The following STK31 variants were observed in gnomAD, a reference collection of about 807,000 sequenced individuals.
The protein encoded by STK31 is serine/threonine kinase 31.
A neutral mutation model predicts 129.7 loss-of-function variants in STK31; 89 were observed. The ratio of observed to expected loss-of-function variants is 0.69; its 90% CI spans 0.58 to 0.82. The LOEUF is 0.82. STK31 is among the 40% of genes least tolerant of loss of function. STK31 has a pLI of 0.00. For synonymous variants in STK31, 448 were observed against 395.3 expected (o/e 1.13, Z -1.58); for missense variants, 1,187 against 1,176.4 (o/e 1.01, Z -0.13).
intron 7 of STK31, 58 bp downstream of exon 7, chr7:23,735,954 A>C: frequency 7.2e-7 from 1 of 1,379,440 alleles, no homozygotes; most frequent in Non-Finnish European, 9.8e-7. Flanking sequence ...GTCATAGTAG[A>C]ATAGAAGTTA....
intron 8 of STK31, among the ~76,000 whole-genome samples, chr7:23,737,868 T>A (rs1231292912): frequency 7.9e-6 from 1 of 125,874 alleles, no homozygotes; most frequent in Non-Finnish European, 1.7e-5. Flanking sequence ...TAAGTGTGTG[T>A]GTGTGTGTGT....
chr7:23,771,179 G>T (rs1191889423), intron 14 of STK31, 55 bp downstream of exon 14: 6 of 1,466,344 alleles, frequency 4.1e-6, no homozygotes, highest in Non-Finnish European at 5.4e-6. Flanking sequence ...GAATTTTTCA[G>T]TACTTAAATT....
At chr7:23,778,755 G>A (rs1790717421) in intron 15 of STK31, among the ~76,000 whole-genome samples, 1 of 151,906 alleles carries the variant, frequency 6.6e-6, no homozygotes. Flanking sequence ...AAGGTTCTTA[G>A]CTTCCTTCCA....
chr7:23,743,520 C>T (rs1562565510), intron 8 of STK31, among the ~76,000 whole-genome samples: 1 of 152,118 alleles, frequency 6.6e-6, no homozygotes, highest in Non-Finnish European at 1.5e-5. Context: ...ATGGGGGTTT[C>T]CTTATAATTG....
intron 15 of STK31, among the ~76,000 whole-genome samples, chr7:23,775,304 T>C (rs1476933103): frequency 6.6e-6 from 1 of 152,208 alleles, no homozygotes; most frequent in Non-Finnish European, 1.5e-5. Flanking sequence ...TTGTCTTGGC[T>C]ATCTGGGCTC....
At chr7:23,754,592 A>G in intron 10 of STK31, 118 bp downstream of exon 10, 4 of 1,096,612 alleles carry the variant, frequency 3.6e-6, no homozygotes, top group African/African-American at 1.6e-5. Context: ...GATTTGTTAC[A>G]TAGGTATACA....
intron 7 of STK31, 91 bp downstream of exon 7, chr7:23,735,987 T>G: frequency 1.9e-6 from 2 of 1,080,796 alleles, no homozygotes; most frequent in South Asian, 1.9e-5. Context: ...TTGGAATCCT[T>G]TACTGTGTCA....
At chr7:23,710,781 TTAAAA>T in intron 1 of STK31, 1 of 1,017,374 alleles carries the variant, frequency 9.8e-7, no homozygotes, top group South Asian at 4.0e-5. Context: ...GCAAGTCATT[TTAAAA>T]TAAGATTTAA....
chr7:23,717,405 A>C, intron 3 of STK31, 76 bp from the exon 4 acceptor site: 2 of 949,542 alleles, frequency 2.1e-6, no homozygotes, highest in South Asian at 4.2e-5. Flanking sequence ...TAAGTTTATC[A>C]TGCTTAGAAC....
At chr7:23,779,681 C>T (rs1267264114) in intron 15 of STK31, among the ~76,000 whole-genome samples, 4 of 152,048 alleles carry the variant, frequency 2.6e-5, no homozygotes, top group African/African-American at 9.7e-5. Flanking sequence ...ACAGAGGCCC[C>T]TCCCCCAACC....
At chr7:23,812,059 C>T (rs1793168174) in intron 22 of STK31, among the ~76,000 whole-genome samples, 1 of 152,130 alleles carries the variant, frequency 6.6e-6, no homozygotes, top group African/African-American at 2.4e-5. Flanking sequence ...TCCTGATGCT[C>T]CAAGACTCCT....
At chr7:23,777,423 T>C (rs1288064220) in intron 15 of STK31, among the ~76,000 whole-genome samples, 1 of 152,112 alleles carries the variant, frequency 6.6e-6, no homozygotes, top group African/African-American at 2.4e-5. Flanking sequence ...ATACTGACAG[T>C]AGGGTGTTAA....
At chr7:23,742,792 T>G (rs1189951111) in intron 8 of STK31, among the ~76,000 whole-genome samples, 3 of 152,136 alleles carry the variant, frequency 2.0e-5, no homozygotes, top group African/African-American at 7.2e-5. Flanking sequence ...TATTTCTGAT[T>G]CTTCCCTGTG....
intron 18 of STK31, 97 bp downstream of exon 18, chr7:23,785,700 T>TCTAA (rs1247989538): frequency 1.4e-5 from 21 of 1,464,476 alleles, no homozygotes; most frequent in Non-Finnish European, 1.7e-5. Context: ...CTGTTAGTTT[T>TCTAA]CTAAAGTGTA....
chr7:23,734,462 A>T (rs2128079063), intron 6 of STK31, among the ~76,000 whole-genome samples: 1 of 152,370 alleles, frequency 6.6e-6, no homozygotes, highest in East Asian at 1.9e-4. Context: ...TGTCAAAGTA[A>T]TTTTAGTAAT....
chr7:23,734,834 G>A (rs1787622952), intron 6 of STK31, among the ~76,000 whole-genome samples: 1 of 152,144 alleles, frequency 6.6e-6, no homozygotes, highest in South Asian at 2.1e-4. Context: ...GTGTGGTGGT[G>A]TGTGCCAGTA....
intron 22 of STK31, among the ~76,000 whole-genome samples, chr7:23,806,209 A>G (rs572442203): frequency 6.6e-6 from 1 of 152,308 alleles, no homozygotes; most frequent in South Asian, 2.1e-4. Flanking sequence ...CCTTTTAGGC[A>G]TCTTTAGGCT....
At chr7:23,831,563 C>G (rs1189841916) in intron 23 of STK31, among the ~76,000 whole-genome samples, 1 of 152,170 alleles carries the variant, frequency 6.6e-6, no homozygotes, top group South Asian at 2.1e-4. Context: ...AACTGGTTTA[C>G]ATTCAAGGCT....
At chr7:23,770,846 A>G (rs942654314) in intron 13 of STK31, among the ~76,000 whole-genome samples, 159 bp from the exon 14 acceptor site, 22 of 152,160 alleles carry the variant, frequency 1.4e-4, no homozygotes, top group African/African-American at 4.6e-4. Flanking sequence ...ATATCTATCT[A>G]TCTTCTGACT....
Sources: gnomAD v4.1 joint callset for allele counts (sites outside exome capture counted in the v4.1 genomes callset) on GRCh38, gnomAD v4.1.1 for gene constraint, MANE v1.5 for transcripts, NCBI Gene and HGNC (gene_info 2026-07-23, HGNC 2026-07-21) for gene names.